Variants in PAK5 observed in about 807,000 individuals in gnomAD.
PAK5 encodes the protein serine/threonine-protein kinase PAK 5.
PAK5 carries 16 observed loss-of-function variants against 65.9 expected under a neutral mutation model. The observed-to-expected ratio is 0.24, with a 90% CI of 0.16 to 0.37. The LOEUF (loss-of-function observed/expected upper bound fraction) is 0.37, where lower values mean the gene tolerates loss of function less well. Ranked by LOEUF, PAK5 falls within the 10% of genes least tolerant of loss-of-function variation. The pLI, the probability that PAK5 is intolerant of heterozygous loss-of-function variation, is 1.00. For missense variants in PAK5, 785 were observed against 903.9 expected (o/e 0.87, Z 1.69); for synonymous variants, 371 against 354.9 (o/e 1.05, Z -0.51).
chr20:9,793,229 G>A (rs10485735), intron 1 of PAK5, among the ~76,000 whole-genome samples: 22,090 of 152,094 alleles, frequency 0.15, 1,835 homozygotes, highest in South Asian at 0.25. Flanking sequence ...ACTTCCTGGA[G>A]ATATGAACTA....
intron 1 of PAK5, among the ~76,000 whole-genome samples, chr20:9,747,645 C>T (rs2048524374): frequency 6.6e-6 from 1 of 151,876 alleles, no homozygotes; most frequent in South Asian, 2.1e-4. Context: ...AACCTTCATG[C>T]TAAAAACTCT....
intron 4 of PAK5, among the ~76,000 whole-genome samples, chr20:9,572,272 C>A (rs1157961531): frequency 6.6e-6 from 1 of 152,158 alleles, no homozygotes; most frequent in African/African-American, 2.4e-5. Context: ...GAAGAAAGTG[C>A]AAACTTTCTT....
chr20:9,674,270 TC>T (rs140480531), intron 2 of PAK5, among the ~76,000 whole-genome samples: 8,372 of 152,086 alleles, frequency 0.055, 234 homozygotes, highest in South Asian at 0.081. Flanking sequence ...CCTTTTTTTT[TC>T]CTGAGCTAAC....
At chr20:9,609,395 C>T (rs767275969) in intron 3 of PAK5, among the ~76,000 whole-genome samples, 2 of 152,200 alleles carry the variant, frequency 1.3e-5, no homozygotes, top group Non-Finnish European at 2.9e-5. Flanking sequence ...AGTTTAACCT[C>T]GCATAGGTGC....
At chr20:9,616,908 A>G (rs219861) in intron 3 of PAK5, among the ~76,000 whole-genome samples, 59,552 of 152,098 alleles carry the variant, frequency 0.39, 13,223 homozygotes, top group South Asian at 0.64. Flanking sequence ...TTCTGGGAAA[A>G]TCTTTTTGTT....
intron 1 of PAK5, among the ~76,000 whole-genome samples, chr20:9,763,271 C>G (rs1276330359): frequency 6.6e-6 from 1 of 152,082 alleles, no homozygotes; most frequent in Non-Finnish European, 1.5e-5. Flanking sequence ...CACATACACA[C>G]ATGCACACAC....
chr20:9,690,993 G>A (rs1442552401), intron 2 of PAK5, among the ~76,000 whole-genome samples: 1 of 151,876 alleles, frequency 6.6e-6, no homozygotes, highest in Non-Finnish European at 1.5e-5. Flanking sequence ...GACCTCAGGT[G>A]ATCCACCTGC....
intron 2 of PAK5, among the ~76,000 whole-genome samples, chr20:9,687,842 T>G (rs1001422665): frequency 6.6e-5 from 10 of 151,838 alleles, no homozygotes; most frequent in African/African-American, 1.9e-4. Flanking sequence ...CTAATTGCAC[T>G]GGGGTATAAA....
At chr20:9,693,572 A>G (rs543041836) in intron 2 of PAK5, among the ~76,000 whole-genome samples, 1 of 152,260 alleles carries the variant, frequency 6.6e-6, no homozygotes, top group South Asian at 2.1e-4. Flanking sequence ...TCAAAGAGCC[A>G]TATAGTTCAC....
chr20:9,590,719 C>T (rs1168766947), intron 3 of PAK5, among the ~76,000 whole-genome samples: 1 of 152,104 alleles, frequency 6.6e-6, no homozygotes, highest in East Asian at 1.9e-4. Context: ...CGTTTACTGT[C>T]TGCAGTTCTG....
intron 4 of PAK5, among the ~76,000 whole-genome samples, chr20:9,572,098 C>A (rs2045798965): frequency 7.0e-6 from 1 of 143,544 alleles, no homozygotes; most frequent in African/African-American, 2.6e-5. Context: ...TTGTTTTGAG[C>A]AGTTTTGGCT....
intron 7 of PAK5, among the ~76,000 whole-genome samples, chr20:9,550,675 T>G (rs970735795): frequency 2.0e-5 from 3 of 152,098 alleles, no homozygotes; most frequent in African/African-American, 7.2e-5. Context: ...ATCTAGCCAG[T>G]AGGACTCTGT....
At position 9,544,488 on chromosome 20, in the gene PAK5, A is replaced by G. The variant is rs2045314258; in HGVS notation, c.1750T>C (p.Leu584=). 6.2e-7 allele frequency: 1 copy of G among 1,613,864 alleles called. No homozygotes were observed. The highest frequency in any genetic ancestry group is 8.5e-7 in the Non-Finnish European group (1 of 1,179,732). Reference sequence around the variant, plus strand: ...TGAGCACAGAAACCAAAATCAGACAACTTTATCTGAAAAGGAAAGGAATGC... The same window carrying G: ...TGAGCACAGAAACCAAAATCAGACAGCTTTATCTGAAAAGGAAAGGAATGC... The part of the protein sequence containing the change: ...ILLTSDGRIK[L]SDFGFCAQVS... Residue 584 remains leucine, a synonymous_variant, in exon 8 of 10, where the codon TTG becomes CTG. Transcript: ENST00000353224.
intron 1 of PAK5, among the ~76,000 whole-genome samples, chr20:9,802,357 C>T (rs548442629): frequency 8.6e-5 from 13 of 152,016 alleles, no homozygotes; most frequent in South Asian, 4.2e-4. Context: ...GAGACAGTGA[C>T]GGCAAGATGA....
At chr20:9,678,226 G>C (rs750566934) in intron 2 of PAK5, among the ~76,000 whole-genome samples, 1 of 152,172 alleles carries the variant, frequency 6.6e-6, no homozygotes, top group Admixed American at 6.5e-5. Flanking sequence ...GTATTAGAGA[G>C]AACAAGCTTG....
At position 9,646,094 on chromosome 20, in the gene PAK5, A is replaced by G. The variant is rs373070185; in HGVS notation, c.-11-1755T>C. On this transcript the variant is annotated intron_variant, in intron 2 of 9. Coordinates refer to ENST00000353224, the MANE Select transcript of PAK5 (RefSeq NM_177990.4). ...TTGTTGATGGACTAAAATCACCCTG[A>G]ACAGCACATTTATTCAGTAAATAGC... is the stretch of plus-strand genomic sequence containing the variant. 7.2e-5 allele frequency among the ~76,000 whole-genome samples: 11 copies of G among 152,302 alleles called. 1 individual carries two copies. In the South Asian group the frequency reaches 2.3e-3, roughly 32 times the overall value.
intron 2 of PAK5, among the ~76,000 whole-genome samples, chr20:9,663,245 T>A (rs1439992344): frequency 6.6e-6 from 1 of 152,146 alleles, no homozygotes; most frequent in African/African-American, 2.4e-5. Flanking sequence ...AGTCTAGAAG[T>A]TTTACATTCC....
chr20:9,728,275 C>T (rs1569061797), intron 1 of PAK5, among the ~76,000 whole-genome samples: 1 of 151,972 alleles, frequency 6.6e-6, no homozygotes, highest in Admixed American at 6.6e-5. Flanking sequence ...TCTTGGATTT[C>T]CCAGACTCCA....
intron 3 of PAK5, among the ~76,000 whole-genome samples, chr20:9,621,445 A>C: frequency 6.6e-6 from 1 of 151,596 alleles, no homozygotes; most frequent in Non-Finnish European, 1.5e-5. Context: ...GCATATCCTG[A>C]AAAATTTTTC....
Sources: allele counts gnomAD v4.1 joint callset (sites outside exome capture counted in the v4.1 genomes callset), GRCh38; gene constraint gnomAD v4.1.1; transcripts MANE v1.5; gene names NCBI Gene and HGNC (gene_info 2026-07-23, HGNC 2026-07-21).